The following VWA8 variants were observed in gnomAD, a reference collection of about 807,000 sequenced individuals.
VWA8 encodes von Willebrand factor A domain containing 8.
VWA8 carries 221 observed loss-of-function variants against 241.5 expected under a neutral mutation model. That is an observed-to-expected ratio of 0.91 (90% CI 0.82 to 1.02). The LOEUF is 1.02. Among genes scored for constraint, VWA8 ranks in the 50% least tolerant of loss-of-function variants. The pLI, the probability that VWA8 is intolerant of heterozygous loss-of-function variation, is 0.00. For missense variants in VWA8, 2,322 were observed against 2,328.7 expected (o/e 1.00, Z 0.06); for synonymous variants, 852 against 827.1 (o/e 1.03, Z -0.52).
chr13:41,871,775 T>C (rs957288464), intron 9 of VWA8, among the ~76,000 whole-genome samples: 24 of 152,180 alleles, frequency 1.6e-4, no homozygotes, highest in Non-Finnish European at 3.2e-4. Context: ...TACATGTGCA[T>C]GTGTCTTTAT....
At chr13:41,816,041 G>A (rs1472230939) in intron 16 of VWA8, among the ~76,000 whole-genome samples, 1 of 151,796 alleles carries the variant, frequency 6.6e-6, no homozygotes, top group Non-Finnish European at 1.5e-5. Flanking sequence ...ATCAAGAATA[G>A]GAACAGATTT....
Position 41,787,436 on chromosome 13 carries a change from C to T in VWA8, c.2170+1G>A, listed in dbSNP as rs1869247053. On this transcript the variant is annotated splice_donor_variant, in intron 18 of 44. Coordinates refer to ENST00000379310, the MANE Select transcript of VWA8 (RefSeq NM_015058.2). LOFTEE classifies it high-confidence loss of function. ...AAAAAAGAGCCAAATCAAATACTTA[C>T]ATTTGTAATCCTTCAGTTCTGGCTC... 1.9e-6 allele frequency: 3 copies of T among 1,599,442 alleles called. No homozygotes were observed. Among genetic ancestry groups the T allele is most frequent in the South Asian group, 2.2e-5 (2 of 90,602 alleles).
At chr13:41,650,073 T>C (rs2044859798) in intron 37 of VWA8, among the ~76,000 whole-genome samples, 1 of 152,222 alleles carries the variant, frequency 6.6e-6, no homozygotes. Context: ...GGTAGCTCTT[T>C]ATAAATTTTA....
chr13:41,861,049 T>C (rs985070302), intron 12 of VWA8, among the ~76,000 whole-genome samples: 2 of 152,010 alleles, frequency 1.3e-5, no homozygotes, highest in Admixed American at 6.6e-5. Flanking sequence ...TATTTTTTTC[T>C]TCAAGACCTT....
At chr13:41,597,864 G>T (rs979175506) in intron 40 of VWA8, among the ~76,000 whole-genome samples, 8 of 151,760 alleles carry the variant, frequency 5.3e-5, no homozygotes, top group Non-Finnish European at 1.0e-4. Context: ...AGTCATCTTT[G>T]ACTCCCTTAC....
chr13:41,573,485 AAATATAT>A (rs1566372330), intron 43 of VWA8, among the ~76,000 whole-genome samples: 2 of 119,908 alleles, frequency 1.7e-5, no homozygotes, highest in Non-Finnish European at 1.7e-5. Context: ...AAAAAAAAAA[AAATATAT>A]ATATATATAT....
intron 34 of VWA8, among the ~76,000 whole-genome samples, chr13:41,685,924 A>C (rs956258737): frequency 1.1e-4 from 16 of 152,180 alleles, no homozygotes; most frequent in Admixed American, 2.0e-4. Flanking sequence ...AAGATCATAA[A>C]GATAATTTCT....
chr13:41,596,622 T>C (rs2044489799), intron 40 of VWA8, among the ~76,000 whole-genome samples: 1 of 152,104 alleles, frequency 6.6e-6, no homozygotes, highest in African/African-American at 2.4e-5. Flanking sequence ...GTTCATTATA[T>C]ATAAAGTGAG....
rs1300362778 is a variant in VWA8 at position 41,778,052 on chromosome 13, A to G, written c.2282T>C (p.Val761Ala). 1.2e-6 allele frequency: 2 copies of G among 1,610,550 alleles called. No individual in the cohort carries two copies. The highest frequency in any genetic ancestry group is 1.7e-6 in the Non-Finnish European group (2 of 1,178,762). The change falls in exon 20 of 45, where the codon GTG (valine) becomes GCG (alanine). Residue 761 changes from valine (V) to alanine (A), a missense_variant. Val to Ala is a moderately conservative substitution (Grantham distance 64, BLOSUM62 0). Transcript: ENST00000379310. ...DVLFYDNIQH[V>A]IVMEDMLKDF... Reference sequence around the variant, plus strand: ...TTTCAGCATATCTTCCATCACTATCACATGCTAGAGAAAAAGGAACTAGGG... The same window carrying G: ...TTTCAGCATATCTTCCATCACTATCGCATGCTAGAGAAAAAGGAACTAGGG...
At chr13:41,941,382 G>A (rs555891491) in intron 2 of VWA8, among the ~76,000 whole-genome samples, 110 of 152,284 alleles carry the variant, frequency 7.2e-4, no homozygotes, top group South Asian at 6.2e-4. Flanking sequence ...TCTGTTGAAC[G>A]CTATCAGGCA....
At chr13:41,687,740 A>G (rs1228640765) in intron 34 of VWA8, among the ~76,000 whole-genome samples, 1 of 152,128 alleles carries the variant, frequency 6.6e-6, no homozygotes, top group South Asian at 2.1e-4. Flanking sequence ...TATTACTGTC[A>G]TCTTAAAGGC....
At chr13:41,935,996 T>A (rs755642279) in intron 2 of VWA8, among the ~76,000 whole-genome samples, 1 of 152,148 alleles carries the variant, frequency 6.6e-6, no homozygotes, top group Non-Finnish European at 1.5e-5. Context: ...ACCAAAATGC[T>A]GTAATACATA....
intron 21 of VWA8, among the ~76,000 whole-genome samples, chr13:41,743,866 A>T (rs2045585498): frequency 2.0e-5 from 3 of 152,182 alleles, no homozygotes. Flanking sequence ...GGAACTCAAT[A>T]AAAGTTTGTT....
intron 27 of VWA8, 127 bp downstream of exon 27, chr13:41,703,176 A>C: frequency 1.3e-6 from 1 of 753,270 alleles, no homozygotes; most frequent in Non-Finnish European, 2.1e-6. Flanking sequence ...CTGATTTGAA[A>C]GTTAGAGCAG....
chr13:41,763,502 C>T (rs1418921666), intron 20 of VWA8, among the ~76,000 whole-genome samples: 2 of 151,154 alleles, frequency 1.3e-5, no homozygotes, highest in Non-Finnish European at 3.0e-5. Flanking sequence ...GGATTTCACC[C>T]AAAATAGTTT....
intron 43 of VWA8, among the ~76,000 whole-genome samples, chr13:41,571,548 C>A (rs1004606599): frequency 6.6e-6 from 1 of 152,142 alleles, no homozygotes; most frequent in Admixed American, 6.5e-5. Flanking sequence ...CGGGGTTTCG[C>A]CGTGTTGGCC....
chr13:41,777,262 G>A (rs563347839), intron 20 of VWA8, among the ~76,000 whole-genome samples: 1 of 152,292 alleles, frequency 6.6e-6, no homozygotes, highest in East Asian at 1.9e-4. Flanking sequence ...ACAAAAGGGA[G>A]ATAAAAGGGA....
chr13:41,700,066 C>A (rs9562335), intron 28 of VWA8, among the ~76,000 whole-genome samples: 11,622 of 152,130 alleles, frequency 0.076, 543 homozygotes, highest in East Asian at 0.13. Context: ...CTTATGTGGG[C>A]ACCGCTGAAG....
At chr13:41,701,012 G>A (rs1457780610) in intron 28 of VWA8, among the ~76,000 whole-genome samples, 1 of 152,162 alleles carries the variant, frequency 6.6e-6, no homozygotes, top group African/African-American at 2.4e-5. Context: ...GAAGTTTAAT[G>A]ACTGCAAATC....
Sources: allele counts gnomAD v4.1 joint callset (sites outside exome capture counted in the v4.1 genomes callset), GRCh38; gene constraint gnomAD v4.1.1; transcripts MANE v1.5; gene names NCBI Gene and HGNC (gene_info 2026-07-23, HGNC 2026-07-21).